Variants in TCF20 observed in about 807,000 individuals in gnomAD.
The protein encoded by TCF20 is SPRE-binding protein.
In TCF20, 3 loss-of-function variants were observed where a neutral mutation model predicts 148.6. The ratio of observed to expected loss-of-function variants is 0.02; its 90% CI spans 0.01 to 0.05. TCF20 has a LOEUF of 0.05. Among genes scored for constraint, TCF20 ranks in the 10% least tolerant of loss-of-function variants. The pLI, the probability that TCF20 is intolerant of heterozygous loss-of-function variation, is 1.00. For missense variants in TCF20, 2,350 were observed against 2,429.3 expected, an observed-to-expected ratio of 0.97 and a Z score of 0.69; for synonymous variants, 1,049 against 909.5, an observed-to-expected ratio of 1.15 and a Z score of -2.76.
At chr22:42,224,275 T>A (rs1183775078) in intron 1 of TCF20, among the ~76,000 whole-genome samples, 2 of 151,888 alleles carry the variant, frequency 1.3e-5, no homozygotes, top group Admixed American at 1.3e-4. Flanking sequence ...ATTGAGACCA[T>A]CCTGGCTAAC....
chr22:42,305,872 G>T (rs1455632737), intron 1 of TCF20, among the ~76,000 whole-genome samples: 1 of 152,116 alleles, frequency 6.6e-6, no homozygotes, highest in African/African-American at 2.4e-5. Context: ...AAGCTGGAGG[G>T]CAGGAAAAGC....
At chr22:42,247,176 A>G (rs981104573) in intron 1 of TCF20, among the ~76,000 whole-genome samples, 7 of 151,936 alleles carry the variant, frequency 4.6e-5, no homozygotes, top group African/African-American at 1.7e-4. Context: ...GCGGTGGCTC[A>G]TACCTGTGAT....
At chr22:42,342,832 C>G (rs1928192493) in intron 1 of TCF20, among the ~76,000 whole-genome samples, 1 of 152,222 alleles carries the variant, frequency 6.6e-6, no homozygotes, top group Non-Finnish European at 1.5e-5. Context: ...ATCTAATCCC[C>G]TCGGGCACCG....
chr22:42,202,185 A>G (rs776482536), intron 2 of TCF20, among the ~76,000 whole-genome samples: 22 of 152,234 alleles, frequency 1.4e-4, no homozygotes, highest in Admixed American at 2.0e-4. Context: ...CATAAGCTAT[A>G]GAGTACTGAG....
rs1783448588 is a variant in TCF20, at chr22:42,208,708, A to G, written c.5655+943T>C. On this transcript the variant is annotated intron_variant, in intron 2 of 5. Coordinates refer to ENST00000677622, the MANE Select transcript of TCF20 (RefSeq NM_001378418.1). ...AAGATAATGAGATAAAACATAAAACAGAGGAGAAAAGATAAAAACAGCGGA... is the reference window on the plus strand; with the variant it reads ...AAGATAATGAGATAAAACATAAAACGGAGGAGAAAAGATAAAAACAGCGGA... 2.0e-5 allele frequency among the ~76,000 whole-genome samples: 3 copies of G among 152,232 alleles called. No individual in the cohort carries two copies. The South Asian group carries it at 6.2e-4, about 32-fold the overall frequency.
upstream of TCF20, among the ~76,000 whole-genome samples, chr22:42,271,504 C>T (rs1225370937): frequency 6.6e-6 from 1 of 152,244 alleles, no homozygotes; most frequent in East Asian, 1.9e-4. Context: ...TAAAGAAAAT[C>T]GCAATTGTAG....
chr22:42,210,583 G>A lies in TCF20; in HGVS notation c.4723C>T (p.Pro1575Ser), dbSNP rs765416064. The A allele has an allele frequency of 6.2e-7, 1 of 1,614,026 alleles. No individual in the cohort carries two copies. The highest frequency in any genetic ancestry group is 8.5e-7 in the Non-Finnish European group (1 of 1,180,020). ...CTTTGCCTCTGTTTTTTTGGCTTTGGCTCTCCATCTGCAGAACCTTCTGGT... is the reference window on the plus strand; with the variant it reads ...CTTTGCCTCTGTTTTTTTGGCTTTGACTCTCCATCTGCAGAACCTTCTGGT... ...QIPEGSADGEPKPKKQRQRRE... is the reference protein window; with the variant it reads ...QIPEGSADGESKPKKQRQRRE... Residue 1575 changes from proline to serine, a missense_variant, in exon 2 of 6, where the codon CCA becomes TCA. By Grantham distance (74) the Pro-to-Ser change is moderately conservative (BLOSUM62 -1). Around this residue, in one of 7 missense-constraint regions of TCF20, gnomAD observed 374 missense variants for 398.3 expected, o/e 0.94. Coordinates refer to ENST00000677622, the MANE Select transcript of TCF20 (RefSeq NM_001378418.1). The surrounding 1 kb of genome is among the most constrained non-coding windows in gnomAD (Gnocchi z 4.7).
rs150446988 is a variant in TCF20 at position 42,212,662 on chromosome 22, C to T, written c.2644G>A (p.Ala882Thr). The change falls in exon 2 of 6, where the codon GCT (alanine) becomes ACT (threonine). Residue 882 changes from alanine (A) to threonine (T), a missense_variant. By Grantham distance (58) the Ala-to-Thr change is moderately conservative. Coordinates refer to ENST00000677622, the MANE Select transcript of TCF20 (RefSeq NM_001378418.1). ...GCACTCATGTGTCCCAGTGAGTGAG[C>T]CCCTGGGTCCCTGACAATCTGTCTT... ...PLRQIVRDPG[A>T]HSLGHMSADT... 1 of 1,614,044 alleles carries T rather than the reference C, an allele frequency of 6.2e-7. No homozygotes were observed. The highest frequency in any genetic ancestry group is 1.3e-5 in the African/African-American group (1 of 74,926).
chr22:42,224,952 TCC>T (rs926845156), intron 1 of TCF20, among the ~76,000 whole-genome samples: 11 of 151,514 alleles, frequency 7.3e-5, no homozygotes, highest in Admixed American at 3.9e-4. Context: ...AAGTATTTTT[TCC>T]CCTTTTCATT....
chr22:42,222,531 A>G (rs1922474196), intron 1 of TCF20, among the ~76,000 whole-genome samples: 1 of 151,898 alleles, frequency 6.6e-6, no homozygotes, highest in African/African-American at 2.4e-5. Flanking sequence ...TTCCCAACAC[A>G]ATTTCTGCTT....
intron 1 of TCF20, among the ~76,000 whole-genome samples, chr22:42,229,759 C>T (rs1923232964): frequency 6.6e-6 from 1 of 152,204 alleles, no homozygotes; most frequent in African/African-American, 2.4e-5. Flanking sequence ...GGCTTCCTCA[C>T]TGAAGGCTTC....
chr22:42,222,962 C>T (rs1449867017), intron 1 of TCF20, among the ~76,000 whole-genome samples: 6 of 152,122 alleles, frequency 3.9e-5, no homozygotes, highest in Admixed American at 2.6e-4. Flanking sequence ...GCATGGGCAA[C>T]ATAACAAGAC....
upstream of TCF20, among the ~76,000 whole-genome samples, chr22:42,286,759 T>C (rs1927039002): frequency 6.6e-6 from 1 of 152,162 alleles, no homozygotes; most frequent in Non-Finnish European, 1.5e-5. Flanking sequence ...GGTAACACTC[T>C]TTATGTCACT....
chr22:42,175,161 GA>G (rs1936376849), intron 3 of TCF20, among the ~76,000 whole-genome samples: 1 of 152,110 alleles, frequency 6.6e-6, no homozygotes, highest in Admixed American at 6.5e-5. Flanking sequence ...TAGAGGTAAT[GA>G]AAATGAGAAA....
chr22:42,170,552 A>G (rs1346534446), intron 3 of TCF20, among the ~76,000 whole-genome samples: 6 of 143,524 alleles, frequency 4.2e-5, no homozygotes, highest in Non-Finnish European at 9.1e-5. Context: ...CACTTGAACC[A>G]GAGAGTCGGA....
At chr22:42,309,719 T>C (rs1003414539) in intron 1 of TCF20, among the ~76,000 whole-genome samples, 7 of 152,180 alleles carry the variant, frequency 4.6e-5, no homozygotes, top group Admixed American at 2.0e-4. Context: ...ACTTCTTTCC[T>C]CTCAAAGTGC....
At chr22:42,174,775 C>T (rs1285330926) in intron 3 of TCF20, among the ~76,000 whole-genome samples, 1 of 151,894 alleles carries the variant, frequency 6.6e-6, no homozygotes, top group African/African-American at 2.4e-5. Context: ...GTGGCTCACG[C>T]CTGTAATCCC....
At chr22:42,190,477 C>T (rs928331832) in intron 2 of TCF20, among the ~76,000 whole-genome samples, 2 of 151,444 alleles carry the variant, frequency 1.3e-5, no homozygotes, top group Admixed American at 1.3e-4. Flanking sequence ...CACACACACA[C>T]ACCCTGCACA....
At chr22:42,183,291 G>C (rs1199434849) in intron 2 of TCF20, among the ~76,000 whole-genome samples, 1 of 138,246 alleles carries the variant, frequency 7.2e-6, no homozygotes, top group South Asian at 2.6e-4. Context: ...AGAATCCCAA[G>C]AACCTGTGAT....
Sources: gnomAD v4.1 joint callset for allele counts (sites outside exome capture counted in the v4.1 genomes callset) on GRCh38, gnomAD v4.1.1 for gene constraint, gnomAD v4.1.1 regional missense constraint, Gnocchi (gnomAD v3.1) non-coding constraint, MANE v1.5 for transcripts, NCBI Gene and HGNC (gene_info 2026-07-23, HGNC 2026-07-21) for gene names.